Variants in RABGAP1L observed in about 807,000 individuals in gnomAD.
The protein encoded by RABGAP1L is RAB GTPase activating protein 1 like, also known as rab GTPase-activating protein 1-like.
In RABGAP1L, 63 loss-of-function variants were observed where a neutral mutation model predicts 137.7. The observed-to-expected ratio is 0.46, with a 90% confidence interval of 0.37 to 0.56. RABGAP1L has a LOEUF of 0.56. Ranked by LOEUF, RABGAP1L falls within the 20% of genes least tolerant of loss-of-function variation. The pLI, the probability that RABGAP1L is intolerant of heterozygous loss-of-function variation, is 0.00. For synonymous variants in RABGAP1L, 431 were observed against 433.7 expected (o/e 0.99, Z 0.08); for missense variants, 1,095 against 1,244.0 (o/e 0.88, Z 1.80).
At chr1:174,210,276 T>C (rs1668788245) in intron 1 of RABGAP1L, among the ~76,000 whole-genome samples, 2 of 152,086 alleles carry the variant, frequency 1.3e-5, no homozygotes, top group South Asian at 4.1e-4. Flanking sequence ...AGGGACCAAT[T>C]CTGGAGAAAG....
chr1:174,217,076 T>C (rs1466580133), intron 1 of RABGAP1L, among the ~76,000 whole-genome samples: 2 of 152,066 alleles, frequency 1.3e-5, no homozygotes, highest in African/African-American at 2.4e-5. Context: ...GTGAGTCTTA[T>C]TTTGGAAGTG....
At chr1:174,624,374 A>G (rs1179028253) in intron 13 of RABGAP1L, among the ~76,000 whole-genome samples, 2 of 152,282 alleles carry the variant, frequency 1.3e-5, no homozygotes, top group East Asian at 1.9e-4. Flanking sequence ...ATTGATATGT[A>G]TACCTATATC....
chr1:174,873,730 C>T (rs915881361), intron 19 of RABGAP1L, among the ~76,000 whole-genome samples: 4 of 151,944 alleles, frequency 2.6e-5, no homozygotes, highest in African/African-American at 7.3e-5. Flanking sequence ...AGGCTGGTCT[C>T]GAACTCCTGA....
chr1:174,406,608 C>T (rs1440375508), intron 13 of RABGAP1L, among the ~76,000 whole-genome samples: 2 of 152,158 alleles, frequency 1.3e-5, no homozygotes, highest in African/African-American at 4.8e-5. Context: ...TTTGTCATCA[C>T]CTTGTGTAGT....
In RABGAP1L at chr1:174,801,582, G is replaced by A. The variant is rs139474966; in HGVS notation, c.2212-10250G>A. On this transcript the variant is annotated intron_variant, in intron 18 of 25. Transcript: ENST00000681986. ...AGTCTATTTGTCATTCCAAAACAAAGTTTGATGCAGTGACTAGCATACAAT... is the reference window on the plus strand; with the variant it reads ...AGTCTATTTGTCATTCCAAAACAAAATTTGATGCAGTGACTAGCATACAAT... Among the ~76,000 whole-genome samples the A allele has an allele frequency of 5.0e-4, 76 of 152,256 alleles. No individual in the cohort carries two copies. In the East Asian group the frequency reaches 0.014, roughly 28 times the overall value.
chr1:174,415,081 TA>T (rs1287214639), intron 13 of RABGAP1L, among the ~76,000 whole-genome samples: 1 of 152,148 alleles, frequency 6.6e-6, no homozygotes, highest in Non-Finnish European at 1.5e-5. Context: ...TTTTAGACTT[TA>T]AAGCTTTATT....
At chr1:174,759,874 T>C (rs1685086699) in intron 18 of RABGAP1L, among the ~76,000 whole-genome samples, 1 of 152,136 alleles carries the variant, frequency 6.6e-6, no homozygotes, top group Admixed American at 6.5e-5. Flanking sequence ...ATGAGGGATC[T>C]ACACTCCCAT....
chr1:174,611,333 T>A (rs1351847673), intron 13 of RABGAP1L, among the ~76,000 whole-genome samples: 1 of 152,126 alleles, frequency 6.6e-6, no homozygotes, highest in Non-Finnish European at 1.5e-5. Context: ...CATTGCTTGT[T>A]TTTCTCAGGT....
rs372190130 is a variant in RABGAP1L, at chr1:174,859,608, C to T, written c.2340+47648C>T. On this transcript the variant is annotated intron_variant, in intron 19 of 25. Transcript: ENST00000681986. ...GCCATTATCCTTAACAAACTAACAC[C>T]GAATACTGTGTGTTCTCACTTACAA... is the stretch of plus-strand genomic sequence containing the variant. 5.3e-5 allele frequency among the ~76,000 whole-genome samples: 8 copies of T among 152,148 alleles called. No homozygotes were observed. In the South Asian group the frequency reaches 1.0e-3, roughly 20 times the overall value.
chr1:174,664,723 C>CTGCTTT, intron 14 of RABGAP1L, among the ~76,000 whole-genome samples: 1 of 111,412 alleles, frequency 9.0e-6, no homozygotes, highest in African/African-American at 4.5e-5. Flanking sequence ...TTCTTTCTTT[C>CTGCTTT]TTTCTGCTTT....
At position 174,355,413 on chromosome 1, in the gene RABGAP1L, T is replaced by C. The variant is rs924230811; in HGVS notation, c.1466-15566T>C. 1.0e-4 allele frequency among the ~76,000 whole-genome samples: 14 copies of C among 137,378 alleles called. 1 individual carries two copies. Among genetic ancestry groups the C allele is most frequent in the Non-Finnish European group, 7.6e-5 (5 of 66,122 alleles). The allele number at this position is 137,378 out of a possible 152,430, so 90.1% of individuals were successfully genotyped here. On this transcript the variant is annotated intron_variant, in intron 11 of 25. Transcript: ENST00000681986. ...TCACTCATAGGTGGGAATTGAACAA[T>C]GAGAACACGTGGACACAGGAAGGGG... is the stretch of plus-strand genomic sequence containing the variant.
chr1:174,375,063 T>C (rs775382467), intron 12 of RABGAP1L, among the ~76,000 whole-genome samples: 2 of 152,142 alleles, frequency 1.3e-5, no homozygotes, highest in African/African-American at 2.4e-5. Flanking sequence ...AAGGTGAGAA[T>C]GTTTGGGAAA....
chr1:174,698,732 T>C (rs1679436178), intron 15 of RABGAP1L, among the ~76,000 whole-genome samples: 1 of 152,064 alleles, frequency 6.6e-6, no homozygotes, highest in Admixed American at 6.5e-5. Context: ...CCAACATATA[T>C]TGTTAAGGAA....
At chr1:174,724,055 C>T (rs1236058852) in intron 17 of RABGAP1L, among the ~76,000 whole-genome samples, 1 of 152,196 alleles carries the variant, frequency 6.6e-6, no homozygotes, top group African/African-American at 2.4e-5. Flanking sequence ...TGTCCTCTAG[C>T]ACTTGTGCTT....
rs142767186 is a variant in RABGAP1L, at chr1:174,554,498, A to G, written c.1711-82877A>G. Among the ~76,000 whole-genome samples, 762 of 152,260 alleles carry G rather than the reference A, an allele frequency of 5.0e-3. 7 individuals carry two copies. The highest frequency in any genetic ancestry group is 6.9e-3 in the Non-Finnish European group (468 of 68,000). ...TTGGCATTTGTAAATGAGTTCCTTG[A>G]AATTTTGTATTGGTATGTTTTAAAA... On this transcript the variant is annotated intron_variant, in intron 13 of 25. Coordinates refer to ENST00000681986, the MANE Select transcript of RABGAP1L (RefSeq NM_001366446.1).
Position 174,664,739 on chromosome 1 carries a change from T to C in RABGAP1L, c.1825-18783T>C, listed in dbSNP as rs866582823. ...TCTTTCTTTCTTTCTGCTTTCTTTT[T>C]TTTTTTTTTTTTTTTTGACAGAGTT... On this transcript the variant is annotated intron_variant, in intron 14 of 25. Coordinates refer to ENST00000681986, the MANE Select transcript of RABGAP1L (RefSeq NM_001366446.1). 1.3e-3 allele frequency among the ~76,000 whole-genome samples: 170 copies of C among 134,232 alleles called. 3 individuals are homozygous for C. The Middle Eastern group carries it at 0.03, about 24-fold the overall frequency. The allele number at this position is 134,232 out of a possible 152,430, so 88.1% of individuals were successfully genotyped here. A position where few individuals can be genotyped will look rare whatever the true frequency, so the allele number is the denominator to read the frequency against.
intron 19 of RABGAP1L, among the ~76,000 whole-genome samples, chr1:174,842,971 T>C (rs879406832): frequency 1.3e-4 from 20 of 152,192 alleles, no homozygotes; most frequent in Non-Finnish European, 2.2e-4. Context: ...GACTTACCTA[T>C]TTGTTTGTCA....
intron 19 of RABGAP1L, chr1:174,922,102 T>G (rs1661912468): frequency 6.6e-6 from 1 of 152,220 alleles, no homozygotes; most frequent in African/African-American, 2.4e-5. Flanking sequence ...CTCAGCTTCT[T>G]ACACAGGCTT....
In RABGAP1L at chr1:174,637,450, G is replaced by A; in HGVS notation, c.1786G>A (p.Gly596Arg). Residue 596 changes from glycine (G) to arginine (R), a missense_variant, in exon 14 of 26, where the codon GGA becomes AGA. Physicochemically the swap from Gly to Arg is moderately radical, Grantham distance 125 (BLOSUM62 -2). This residue lies in a region of RABGAP1L where 315 missense variants were observed against 324.8 expected (regional missense o/e 0.97). Coordinates refer to ENST00000681986, the MANE Select transcript of RABGAP1L (RefSeq NM_001366446.1). ...FPAHDYFKDT[G>R]GDGQESLYKI... The stretch of plus-strand genomic sequence containing the variant: ...CGCACATGATTACTTTAAAGATACT[G>A]GAGGAGATGGTCAAGAATCGCTCTA... 2 of 1,611,698 alleles carry A rather than the reference G, an allele frequency of 1.2e-6. No individual in the cohort carries two copies. The highest frequency in any genetic ancestry group is 1.7e-6 in the Non-Finnish European group (2 of 1,177,860).
Sources: allele counts gnomAD v4.1 joint callset (sites outside exome capture counted in the v4.1 genomes callset), GRCh38; gene constraint gnomAD v4.1.1; regional missense constraint gnomAD v4.1.1; transcripts MANE v1.5; gene names NCBI Gene and HGNC (gene_info 2026-07-23, HGNC 2026-07-21).